Variants in RYR2 observed in about 807,000 individuals in gnomAD.
The protein encoded by RYR2 is cardiac muscle ryanodine receptor-calcium release channel.
A neutral mutation model predicts 601.1 loss-of-function variants in RYR2; 227 were observed. The observed-to-expected ratio is 0.38, with a 90% CI of 0.34 to 0.42. The LOEUF (loss-of-function observed/expected upper bound fraction) is 0.42. Ranked by LOEUF, RYR2 falls within the 10% of genes least tolerant of loss-of-function variation. RYR2 has a pLI of 1.00. For synonymous variants in RYR2, 2,223 were observed against 2,175.1 expected, an observed-to-expected ratio of 1.02 and a Z score of -0.61; for missense variants, 4,646 against 6,156.5, an observed-to-expected ratio of 0.75 and a Z score of 8.21.
intron 14 of RYR2, among the ~76,000 whole-genome samples, chr1:237,450,081 TC>T (rs1231545473): frequency 6.6e-6 from 1 of 152,178 alleles, no homozygotes; most frequent in Non-Finnish European, 1.5e-5. Flanking sequence ...TGTAGAGTTT[TC>T]CAGTCTGGCT....
chr1:237,750,319 AACC>A (rs1171609346), intron 80 of RYR2, among the ~76,000 whole-genome samples: 1 of 152,032 alleles, frequency 6.6e-6, no homozygotes, highest in Non-Finnish European at 1.5e-5. Flanking sequence ...AATAGAAAGA[AACC>A]CATGCCATGG....
chr1:237,580,455 C>G (rs1282518411), intron 29 of RYR2, among the ~76,000 whole-genome samples: 1 of 119,852 alleles, frequency 8.3e-6, no homozygotes, highest in Non-Finnish European at 1.8e-5. Context: ...CTGCGCCAGG[C>G]CCCAACAATG....
chr1:237,635,417 A>G lies in RYR2; in HGVS notation c.6792+425A>G, dbSNP rs867915947. ...ACTTAATCATACACTTCAGTTTTTA[A>G]AAAGGTTATTTTGACATCTCATATG... On this transcript the variant is annotated intron_variant, in intron 44 of 104. Transcript: ENST00000366574. Among the ~76,000 whole-genome samples, 3 of 152,106 alleles carry G rather than the reference A, an allele frequency of 2.0e-5. No homozygotes were observed. In the South Asian group the frequency reaches 6.2e-4, roughly 32 times the overall value.
At chr1:237,792,349 CTGTGTGTGTGTGTGTGTGTGTG>C in intron 94 of RYR2, 26 bp downstream of exon 94, 9 of 704,942 alleles carry the variant, frequency 1.3e-5, no homozygotes, top group African/African-American at 2.0e-5. Context: ...ACCAAGGTAC[CTGTGTGTGTGTGTGTGTGTGTG>C]TGTGTGTGTG....
intron 2 of RYR2, among the ~76,000 whole-genome samples, chr1:237,284,398 G>A (rs1019074670): frequency 2.0e-4 from 27 of 136,644 alleles, no homozygotes; most frequent in African/African-American, 7.6e-4. Flanking sequence ...AAAAAAAATA[G>A]TGTCCAGTCT....
At chr1:237,608,975 T>G (rs1355640415) in intron 35 of RYR2, among the ~76,000 whole-genome samples, 5 of 151,814 alleles carry the variant, frequency 3.3e-5, no homozygotes, top group African/African-American at 1.2e-4. Context: ...TCTTCTCTTC[T>G]TTTCCTTTCT....
At chr1:237,410,589 A>G (rs960781281) in intron 10 of RYR2, among the ~76,000 whole-genome samples, 3 of 152,158 alleles carry the variant, frequency 2.0e-5, no homozygotes, top group Admixed American at 2.0e-4. Context: ...CATATTGTCT[A>G]TGTTTGCTTT....
chr1:237,675,685 C>A (rs377333962), intron 60 of RYR2, among the ~76,000 whole-genome samples: 2 of 152,098 alleles, frequency 1.3e-5, no homozygotes, highest in African/African-American at 4.8e-5. Flanking sequence ...TCTTGGATCC[C>A]TTAGCTGCTG....
In RYR2 at chr1:237,621,676, A is replaced by C. The variant is rs537253883; in HGVS notation, c.5917-2089A>C. Reference sequence around the variant, plus strand: ...TGAATATGTTAATTATCTTGATTTAATCTTTCTACAATGTATACATATATC... The same window carrying C: ...TGAATATGTTAATTATCTTGATTTACTCTTTCTACAATGTATACATATATC... On this transcript the variant is annotated intron_variant, in intron 38 of 104. Coordinates refer to ENST00000366574, the MANE Select transcript of RYR2 (RefSeq NM_001035.3). 4.7e-4 allele frequency among the ~76,000 whole-genome samples: 71 copies of C among 152,328 alleles called. 1 individual carries two copies. Among genetic ancestry groups the C allele is most frequent in the Middle Eastern group, 3.4e-3 (1 of 294 alleles).
Position 237,590,792 on chromosome 1 carries a change from A to G in RYR2, c.3960A>G (p.Gly1320=), listed in dbSNP as rs777449633. ...CAEVFSKTVA[G]GLPGAGLFGP... ...AGGTCTTCTCCAAGACGGTGGCTGG[A>G]GGGCTCCCTGGGGCTGGCCTTTTTG... The change falls in exon 31 of 105, where the codon GGA becomes GGG. Residue 1320 remains glycine (G), a synonymous_variant. Transcript: ENST00000366574. 6.2e-7 allele frequency: 1 copy of G among 1,613,802 alleles called. No homozygotes were observed. The highest frequency in any genetic ancestry group is 1.1e-5 in the South Asian group (1 of 91,072).
chr1:237,391,013 T>C (rs189823439), intron 10 of RYR2, among the ~76,000 whole-genome samples: 1 of 152,284 alleles, frequency 6.6e-6, no homozygotes, highest in Admixed American at 6.5e-5. Flanking sequence ...GAAGGGATGT[T>C]GCTTAAGAAA....
chr1:237,830,672 C>G, intron 103 of RYR2, 42 bp downstream of exon 103: 5 of 945,284 alleles, frequency 5.3e-6, no homozygotes, highest in Non-Finnish European at 8.6e-6. Flanking sequence ...CTCCAGTAGA[C>G]GCCACTGGTC....
At position 237,761,015 on chromosome 1, in the gene RYR2, A is replaced by G. The variant is rs1334353459; in HGVS notation, c.11463A>G (p.Thr3821=). 6.3e-7 allele frequency: 1 copy of G among 1,574,956 alleles called. No individual in the cohort carries two copies. Among genetic ancestry groups the G allele is most frequent in the Non-Finnish European group, 8.6e-7 (1 of 1,157,332 alleles). The change falls in exon 84 of 105, where the codon ACA becomes ACG. Residue 3821 remains threonine, a synonymous_variant. Coordinates refer to ENST00000366574, the MANE Select transcript of RYR2 (RefSeq NM_001035.3). ...AAGCTGAAGGTCTTGGGATGGTGAC[A>G]GAGGAAGGATCAGGTATTAATGACT... ...QNKAEGLGMV[T]EEGSGEKVLQ...
chr1:237,445,364 C>T lies in RYR2; in HGVS notation c.1171-37C>T, dbSNP rs185619526. On this transcript the variant is annotated intron_variant, in intron 13 of 104. Transcript: ENST00000366574. ...CCCTAACTCTAGTTTGGAAAAGAGA[C>T]GTTGGGAGTAATGGCCTTATTTTTG... 84 of 1,610,014 alleles carry T rather than the reference C, an allele frequency of 5.2e-5. No homozygotes were observed. The African/African-American group carries it at 9.9e-4, about 19-fold the overall frequency.
intron 29 of RYR2, among the ~76,000 whole-genome samples, chr1:237,589,167 C>CA (rs1186336297): frequency 6.6e-6 from 1 of 152,150 alleles, no homozygotes; most frequent in Non-Finnish European, 1.5e-5. Flanking sequence ...ATACATGCTT[C>CA]ATACATTAAA....
intron 91 of RYR2, among the ~76,000 whole-genome samples, chr1:237,787,441 A>G (rs1657736995): frequency 6.6e-6 from 1 of 151,914 alleles, no homozygotes; most frequent in African/African-American, 2.4e-5. Context: ...TGTAAAAAAA[A>G]GTTAGCTGGG....
intron 29 of RYR2, among the ~76,000 whole-genome samples, chr1:237,582,562 T>G (rs2893573): frequency 0.53 from 80,853 of 151,812 alleles, 21,867 homozygotes; most frequent in South Asian, 0.68. Context: ...CCCAATAATT[T>G]TGCAACCCTT....
chr1:237,830,495 G>T, intron 102 of RYR2, 35 bp from the exon 103 acceptor site: 1 of 1,311,242 alleles, frequency 7.6e-7, no homozygotes, highest in South Asian at 1.2e-5. Context: ...TTTGCTTTCT[G>T]AACTCTGACG....
chr1:237,380,587 A>T (rs189272079), intron 8 of RYR2, among the ~76,000 whole-genome samples: 2 of 151,020 alleles, frequency 1.3e-5, no homozygotes, highest in East Asian at 2.0e-4. Flanking sequence ...TGTGAATGGC[A>T]CATAAAAATT....
Sources: allele counts gnomAD v4.1 joint callset (sites outside exome capture counted in the v4.1 genomes callset), GRCh38; gene constraint gnomAD v4.1.1; transcripts MANE v1.5; gene names NCBI Gene and HGNC (gene_info 2026-07-23, HGNC 2026-07-21).